Variants in TOGARAM2 observed in about 807,000 individuals in gnomAD.
TOGARAM2 encodes the protein TOG array regulator of axonemal microtubules 2, also known as TOG array regulator of axonemal microtubules protein 2.
Under a neutral mutation model 93.3 loss-of-function variants are expected in TOGARAM2, and 85 were observed. The observed-to-expected ratio is 0.91, with a 90% CI of 0.76 to 1.09. The LOEUF (loss-of-function observed/expected upper bound fraction) is 1.09. Ranked by LOEUF, TOGARAM2 falls within the 50% of genes least tolerant of loss-of-function variation. The pLI, the probability that TOGARAM2 is intolerant of heterozygous loss-of-function variation, is 0.00. For missense variants in TOGARAM2, 1,277 were observed against 1,334.5 expected, an observed-to-expected ratio of 0.96 and a Z score of 0.67; for synonymous variants, 593 against 552.8, an observed-to-expected ratio of 1.07 and a Z score of -1.02.
At chr2:29,044,427 C>T (rs1466097342) in intron 18 of TOGARAM2, among the ~76,000 whole-genome samples, 2 of 152,044 alleles carry the variant, frequency 1.3e-5, no homozygotes, top group East Asian at 1.9e-4. Context: ...CCACAAACTC[C>T]CTCCTCTGAC....
At chr2:28,987,203 C>T (rs1221725750) in intron 1 of TOGARAM2, among the ~76,000 whole-genome samples, 1 of 152,222 alleles carries the variant, frequency 6.6e-6, no homozygotes, top group Non-Finnish European at 1.5e-5. Context: ...CACTGTAGTA[C>T]ATTGCCCCGG....
At chr2:28,960,358 C>A (rs1015603326) in intron 1 of TOGARAM2, among the ~76,000 whole-genome samples, 2 of 152,094 alleles carry the variant, frequency 1.3e-5, no homozygotes, top group African/African-American at 2.4e-5. Flanking sequence ...ATCCTCCTGT[C>A]TAATTATTTA....
At chr2:28,982,533 C>T (rs769715775) in intron 1 of TOGARAM2, among the ~76,000 whole-genome samples, 52 of 152,282 alleles carry the variant, frequency 3.4e-4, no homozygotes, top group Admixed American at 5.9e-4. Flanking sequence ...CTTCTAGCCA[C>T]AGGCTGGCTC....
intron 4 of TOGARAM2, among the ~76,000 whole-genome samples, chr2:29,001,244 A>G (rs1270562125): frequency 1.3e-5 from 2 of 152,254 alleles, no homozygotes; most frequent in African/African-American, 4.8e-5. Context: ...ACCACAACAC[A>G]ACAGTGCTCC....
intron 18 of TOGARAM2, among the ~76,000 whole-genome samples, chr2:29,043,310 C>T (rs988342826): frequency 2.6e-5 from 4 of 152,308 alleles, no homozygotes; most frequent in African/African-American, 9.6e-5. Flanking sequence ...ACATTTTCTC[C>T]TCTGTATCCC....
At chr2:28,965,606 C>A (rs887251565) in intron 1 of TOGARAM2, among the ~76,000 whole-genome samples, 30 of 152,210 alleles carry the variant, frequency 2.0e-4, no homozygotes, top group Non-Finnish European at 3.7e-4. Flanking sequence ...CTCAGCAGCT[C>A]TTTGCCTGGC....
chr2:28,964,953 C>T (rs1168855192), intron 1 of TOGARAM2, among the ~76,000 whole-genome samples: 4 of 152,058 alleles, frequency 2.6e-5, no homozygotes, highest in Non-Finnish European at 4.4e-5. Flanking sequence ...TGAACATATG[C>T]GTGTATGTAT....
chr2:29,045,221 C>T, intron 18 of TOGARAM2, 103 bp from the exon 19 acceptor site: 4 of 842,506 alleles, frequency 4.7e-6, no homozygotes, highest in South Asian at 1.6e-5. Flanking sequence ...CCCCCAAAGG[C>T]CTCATCCCCT....
intron 10 of TOGARAM2, among the ~76,000 whole-genome samples, 170 bp from the exon 11 acceptor site, chr2:29,021,988 C>T (rs906460029): frequency 2.6e-5 from 4 of 152,166 alleles, no homozygotes; most frequent in African/African-American, 7.2e-5. Context: ...GAGGGAGGCC[C>T]AGGCGCTGGG....
chr2:29,005,751 ATG>A (rs568308717), intron 6 of TOGARAM2, among the ~76,000 whole-genome samples: 555 of 12,582 alleles, frequency 0.044, 108 homozygotes, highest in African/African-American at 0.059. Context: ...ATATGTGTGT[ATG>A]TGTGTGTGTG....
intron 1 of TOGARAM2, among the ~76,000 whole-genome samples, chr2:28,985,736 TTCTTC>T (rs1385360417): frequency 6.6e-6 from 1 of 152,214 alleles, no homozygotes; most frequent in Non-Finnish European, 1.5e-5. Context: ...CAAGACACTT[TTCTTC>T]TATTCATCAG....
At chr2:29,017,740 G>A (rs1446909885) in intron 9 of TOGARAM2, 52 bp from the exon 10 acceptor site, 36 of 1,501,280 alleles carry the variant, frequency 2.4e-5, no homozygotes, top group Non-Finnish European at 3.2e-5. Flanking sequence ...AGGACATTGA[G>A]GCCAGGGGAA....
intron 17 of TOGARAM2, among the ~76,000 whole-genome samples, chr2:29,036,211 C>T (rs1402954681): frequency 6.6e-6 from 1 of 152,102 alleles, no homozygotes; most frequent in Non-Finnish European, 1.5e-5. Flanking sequence ...CTTGGAGCCC[C>T]AGTTGTTGTT....
intron 1 of TOGARAM2, among the ~76,000 whole-genome samples, chr2:28,985,916 C>T (rs1007852727): frequency 1.3e-5 from 2 of 151,984 alleles, no homozygotes; most frequent in East Asian, 3.9e-4. Flanking sequence ...CCAGCCTGGC[C>T]AACATGGCAA....
At chr2:29,018,020 G>GGCA in intron 10 of TOGARAM2, 64 bp downstream of exon 10, 4 of 1,501,012 alleles carry the variant, frequency 2.7e-6, no homozygotes, top group South Asian at 1.3e-5. Flanking sequence ...GATGCCCTGA[G>GGCA]GCATGGCAGA....
rs78249802 is a variant in TOGARAM2, at chr2:28,986,263, C to T, written c.-111+4725C>T. Among the ~76,000 whole-genome samples the T allele has an allele frequency of 1.5e-3, 229 of 150,378 alleles. 3 individuals carry two copies. The highest frequency in any genetic ancestry group is 5.3e-3 in the African/African-American group (218 of 41,426). ...AAACAGCCTAAATAAAACTTTCTCT[C>T]CCCCTAGGCTTTCCTATGTCTTTTA... On this transcript the variant is annotated intron_variant, in intron 1 of 19. Coordinates refer to ENST00000379558, the MANE Select transcript of TOGARAM2 (RefSeq NM_199280.4).
intron 7 of TOGARAM2, among the ~76,000 whole-genome samples, 180 bp downstream of exon 7, chr2:29,011,681 C>A (rs1251496760): frequency 2.6e-5 from 4 of 152,160 alleles, no homozygotes; most frequent in African/African-American, 4.8e-5. Flanking sequence ...CGGGCCCGGG[C>A]GAGGTGTGGA....
chr2:29,018,181 G>C (rs1259153071), intron 10 of TOGARAM2: 3 of 553,006 alleles, frequency 5.4e-6, no homozygotes, highest in African/African-American at 3.8e-5. Flanking sequence ...CACAACTGGA[G>C]TTGTGATGTC....
chr2:29,036,845 G>C, intron 18 of TOGARAM2, 88 bp downstream of exon 18: 2 of 1,322,996 alleles, frequency 1.5e-6, no homozygotes, highest in Non-Finnish European at 2.1e-6. Context: ...GGCCTTGGTT[G>C]GTTCCCAGGC....
Sources: gnomAD v4.1 joint callset for allele counts (sites outside exome capture counted in the v4.1 genomes callset) on GRCh38, gnomAD v4.1.1 for gene constraint, MANE v1.5 for transcripts, NCBI Gene and HGNC (gene_info 2026-07-23, HGNC 2026-07-21) for gene names.